The following LCOR variants were observed in gnomAD, a reference collection of about 807,000 sequenced individuals.
LCOR encodes ligand-dependent corepressor.
A neutral mutation model predicts 64.4 loss-of-function variants in LCOR; 14 were observed. The ratio of observed to expected loss-of-function variants is 0.22; its 90% CI spans 0.14 to 0.34. The LOEUF is 0.34. LCOR is among the 10% of genes least tolerant of loss of function. The pLI is 1.00. For synonymous variants in LCOR, 643 were observed against 642.5 expected (o/e 1.00, Z -0.01); for missense variants, 1,686 against 1,765.3 (o/e 0.96, Z 0.80).
intron 2 of LCOR, among the ~76,000 whole-genome samples, chr10:96,858,970 C>T (rs1845845911): frequency 6.6e-6 from 1 of 152,146 alleles, no homozygotes; most frequent in Admixed American, 6.5e-5. Flanking sequence ...GTTCTTTTCT[C>T]AACCATACGG....
chr10:96,954,257 G>A (rs116488938), intron 7 of LCOR, among the ~76,000 whole-genome samples: 7,779 of 152,230 alleles, frequency 0.051, 678 homozygotes, highest in African/African-American at 0.18. Context: ...AAATGAAGAC[G>A]TGTGGTAAGT....
At chr10:96,838,573 CATACAAT>C (rs1292836602) in intron 2 of LCOR, among the ~76,000 whole-genome samples, 2 of 152,220 alleles carry the variant, frequency 1.3e-5, no homozygotes, top group Non-Finnish European at 2.9e-5. Flanking sequence ...TAATTGGAGT[CATACAAT>C]ATATGGCTTT....
intron 2 of LCOR, among the ~76,000 whole-genome samples, chr10:96,903,902 TGAG>T (rs1464168917): frequency 6.6e-6 from 1 of 152,176 alleles, no homozygotes; most frequent in Non-Finnish European, 1.5e-5. Context: ...TAATTCTCCT[TGAG>T]GAGATAAGAC....
rs543830501 is a variant in LCOR at position 96,957,285 on chromosome 10, T to C, written c.332+5089T>C. On this transcript the variant is annotated intron_variant, in intron 7 of 7. Transcript: ENST00000421806. ...TAATTAGCTGATATTCATGGTTGTT[T>C]AGCACACAGTTCAGGACCTTTGAGA... 42 of 985,328 alleles carry C rather than the reference T, an allele frequency of 4.3e-5. No individual in the cohort carries two copies. The East Asian group carries it at 3.6e-3, about 85-fold the overall frequency. 61.0% of individuals were successfully genotyped at this position (985,328 alleles called of 1,614,324 possible). A position where few individuals can be genotyped will look rare whatever the true frequency, so the allele number is the denominator to read the frequency against.
At chr10:96,868,258 T>TTTTTC (rs1003855001) in intron 2 of LCOR, among the ~76,000 whole-genome samples, 15 of 151,534 alleles carry the variant, frequency 9.9e-5, no homozygotes, top group South Asian at 8.3e-4. Context: ...AGTGATTACT[T>TTTTTC]TTTTCTTTTC....
chr10:96,833,509 G>T (rs1845384590), intron 2 of LCOR, 30 bp downstream of exon 2: 6 of 925,134 alleles, frequency 6.5e-6, no homozygotes, highest in Non-Finnish European at 7.7e-6. Flanking sequence ...TCTCCGCTCC[G>T]CCCGCCGCCC....
At chr10:96,936,697 G>C (rs950155983) in intron 4 of LCOR, among the ~76,000 whole-genome samples, 1 of 151,820 alleles carries the variant, frequency 6.6e-6, no homozygotes, top group Non-Finnish European at 1.5e-5. Flanking sequence ...CTATGATGCA[G>C]ATTGAATTGT....
intron 4 of LCOR, among the ~76,000 whole-genome samples, chr10:96,940,576 A>G (rs1847437701): frequency 9.7e-6 from 1 of 102,664 alleles, no homozygotes; most frequent in Non-Finnish European, 2.0e-5. Context: ...CACCGCCCTT[A>G]ATCCATTTAA....
intron 4 of LCOR, among the ~76,000 whole-genome samples, chr10:96,932,571 C>T (rs1847279977): frequency 6.6e-6 from 1 of 152,168 alleles, no homozygotes; most frequent in Non-Finnish European, 1.5e-5. Context: ...TCAAGCAATT[C>T]TCCTGCCTCA....
chr10:96,943,547 A>G (rs918788331), intron 4 of LCOR, among the ~76,000 whole-genome samples: 2 of 152,352 alleles, frequency 1.3e-5, no homozygotes, highest in African/African-American at 2.4e-5. Flanking sequence ...TTTACAACCC[A>G]TTAAAGGTTT....
chr10:96,835,447 A>T (rs535341237), intron 2 of LCOR, among the ~76,000 whole-genome samples: 4 of 152,356 alleles, frequency 2.6e-5, no homozygotes, highest in Non-Finnish European at 4.4e-5. Flanking sequence ...AACTAAAATC[A>T]GTGGGGCCTC....
In LCOR at chr10:96,982,667, G is replaced by A. The variant is rs759015652; in HGVS notation, c.2207G>A (p.Gly736Glu). The A allele has an allele frequency of 3.7e-6, 6 of 1,614,042 alleles. No homozygotes were observed. The highest frequency in any genetic ancestry group is 1.7e-5 in the Admixed American group (1 of 60,008). ...AGCATCAGTGCTGAGGTTGAGTCTG[G>A]AGACACCCAGGAGCTAAATGTCGAC... Reference protein sequence around the residue: ...NQSISAEVESGDTQELNVDPL... With the variant: ...NQSISAEVESEDTQELNVDPL... The change falls in exon 8 of 8, where the codon GGA (glycine) becomes GAA (glutamate). Residue 736 changes from glycine to glutamate, a missense_variant. Physicochemically the swap from Gly to Glu is moderately conservative, Grantham distance 98. Around this residue, in one of 3 missense-constraint regions of LCOR, gnomAD observed 1,293 missense variants for 1,410.4 expected, o/e 0.92. Coordinates refer to ENST00000421806, the MANE Select transcript of LCOR (RefSeq NM_001346516.2).
intron 2 of LCOR, among the ~76,000 whole-genome samples, chr10:96,895,895 C>T (rs1846528945): frequency 6.6e-6 from 1 of 152,116 alleles, no homozygotes. Flanking sequence ...CCAGCCTGGG[C>T]AACATAGCAA....
At chr10:96,839,951 G>C (rs543708521) in intron 2 of LCOR, among the ~76,000 whole-genome samples, 6 of 152,300 alleles carry the variant, frequency 3.9e-5, no homozygotes, top group Non-Finnish European at 8.8e-5. Flanking sequence ...AGAGTGCTGG[G>C]ATTACAGGTG....
intron 7 of LCOR, among the ~76,000 whole-genome samples, chr10:96,972,587 T>C (rs1441520630): frequency 6.6e-6 from 1 of 152,226 alleles, no homozygotes; most frequent in Admixed American, 6.5e-5. Flanking sequence ...CATGAGAATC[T>C]TCTTGATAGT....
At chr10:96,943,719 TG>T (rs1433360577) in intron 4 of LCOR, among the ~76,000 whole-genome samples, 1 of 151,652 alleles carries the variant, frequency 6.6e-6, no homozygotes, top group Non-Finnish European at 1.5e-5. Flanking sequence ...AAATGAGATT[TG>T]GAATTCAAAA....
At chr10:96,969,816 G>A (rs1318264878) in intron 7 of LCOR, among the ~76,000 whole-genome samples, 4 of 119,510 alleles carry the variant, frequency 3.3e-5, no homozygotes, top group African/African-American at 6.6e-5. Flanking sequence ...GTCTCGCTCT[G>A]TTGCCCAGGC....
intron 4 of LCOR, chr10:96,915,614 C>CA: frequency 1.2e-6 from 1 of 851,472 alleles, no homozygotes; most frequent in Non-Finnish European, 2.0e-6. Flanking sequence ...ACACAGTTAT[C>CA]AAAAATGCAC....
At chr10:96,833,378 T>C in intron 1 of LCOR, 28 bp from the exon 2 acceptor site, 2 of 983,452 alleles carry the variant, frequency 2.0e-6, no homozygotes, top group Non-Finnish European at 2.4e-6. Context: ...TCTCACACTG[T>C]GTGTTTTGTC....
Sources: gnomAD v4.1 joint callset for allele counts (sites outside exome capture counted in the v4.1 genomes callset) on GRCh38, gnomAD v4.1.1 for gene constraint, gnomAD v4.1.1 regional missense constraint, MANE v1.5 for transcripts, NCBI Gene and HGNC (gene_info 2026-07-23, HGNC 2026-07-21) for gene names.